Variants in FOCAD observed in about 807,000 individuals in gnomAD.
The protein encoded by FOCAD is focadhesin, also known as KIAA1797.
In FOCAD, 198 loss-of-function variants were observed where a neutral mutation model predicts 225.6. That is an observed-to-expected ratio of 0.88 (90% confidence interval 0.78 to 0.99). The LOEUF is 0.99. Ranked by LOEUF, FOCAD falls within the 50% of genes least tolerant of loss-of-function variation. The probability of loss-of-function intolerance (pLI) is 0.00; values close to 1 mark genes in which losing one functional copy is unlikely to be tolerated. For missense variants in FOCAD, 2,713 were observed against 2,123.6 expected (o/e 1.28, Z -5.46); for synonymous variants, 897 against 755.0 (o/e 1.19, Z -3.08).
At chr9:20,803,467 G>C (rs1336353076) in intron 11 of FOCAD, among the ~76,000 whole-genome samples, 1 of 152,082 alleles carries the variant, frequency 6.6e-6, no homozygotes, top group Non-Finnish European at 1.5e-5. Flanking sequence ...GTGAAGGAGA[G>C]AGTACTGCAG....
At chr9:20,818,086 T>A (rs1823921168) in intron 11 of FOCAD, among the ~76,000 whole-genome samples, 1 of 152,190 alleles carries the variant, frequency 6.6e-6, no homozygotes, top group Admixed American at 6.5e-5. Flanking sequence ...TTGCATCATG[T>A]GTAAGGTGGT....
At chr9:20,721,971 T>TCACCC (rs1319764699) in intron 4 of FOCAD, among the ~76,000 whole-genome samples, 1 of 13,580 alleles carries the variant, frequency 7.4e-5, no homozygotes, top group Non-Finnish European at 1.6e-4. Context: ...CCTTCTTTTT[T>TCACCC]CTCCCCTCCT....
chr9:20,778,442 G>T (rs1032502105), intron 8 of FOCAD, among the ~76,000 whole-genome samples: 1 of 152,046 alleles, frequency 6.6e-6, no homozygotes, highest in African/African-American at 2.4e-5. Flanking sequence ...GGCTGGTCTC[G>T]AACTTCTGAC....
intron 18 of FOCAD, among the ~76,000 whole-genome samples, chr9:20,873,469 G>T (rs1024647461): frequency 6.6e-6 from 1 of 152,154 alleles, no homozygotes; most frequent in Non-Finnish European, 1.5e-5. Context: ...CAGTGATTTC[G>T]ACAGACGCTT....
intron 21 of FOCAD, among the ~76,000 whole-genome samples, chr9:20,894,703 A>T (rs929238139): frequency 6.6e-6 from 1 of 151,914 alleles, no homozygotes; most frequent in Non-Finnish European, 1.5e-5. Context: ...GAGTTTTAAG[A>T]CTTTTTTCGT....
chr9:20,705,743 T>A (rs1824327996), intron 1 of FOCAD, among the ~76,000 whole-genome samples: 1 of 151,606 alleles, frequency 6.6e-6, no homozygotes, highest in Non-Finnish European at 1.5e-5. Flanking sequence ...AAAGTCAACT[T>A]TGAAGATTTA....
intron 10 of FOCAD, among the ~76,000 whole-genome samples, chr9:20,788,647 G>A (rs1433336465): frequency 1.3e-5 from 2 of 152,126 alleles, no homozygotes; most frequent in Non-Finnish European, 2.9e-5. Context: ...AGCAAGCAAT[G>A]TCTAATGATT....
chr9:20,659,184 C>T (rs933620128), intron 2 of FOCAD, among the ~76,000 whole-genome samples: 1 of 152,054 alleles, frequency 6.6e-6, no homozygotes, highest in African/African-American at 2.4e-5. Flanking sequence ...GGCACCACTG[C>T]CCTCCAGCCT....
chr9:20,933,258 C>G (rs1564171557), intron 28 of FOCAD, among the ~76,000 whole-genome samples, 155 bp downstream of exon 28: 1 of 152,030 alleles, frequency 6.6e-6, no homozygotes, highest in Admixed American at 6.5e-5. Flanking sequence ...TGAGTAAGTT[C>G]TTTAGTGGTG....
intron 6 of FOCAD, among the ~76,000 whole-genome samples, chr9:20,763,900 T>C (rs1198161388): frequency 6.6e-6 from 1 of 152,140 alleles, no homozygotes. Flanking sequence ...TATAGTGAAA[T>C]CTAAATAGAT....
chr9:20,858,731 T>C (rs558333779), intron 15 of FOCAD, among the ~76,000 whole-genome samples: 1 of 152,158 alleles, frequency 6.6e-6, no homozygotes, highest in African/African-American at 2.4e-5. Context: ...ACTTTATTGG[T>C]ATCAACTTTC....
At chr9:20,833,161 A>G (rs191702066) in intron 15 of FOCAD, among the ~76,000 whole-genome samples, 2 of 152,058 alleles carry the variant, frequency 1.3e-5, no homozygotes, top group Admixed American at 6.6e-5. Context: ...TCAACATTCT[A>G]TATCTCTTAT....
chr9:20,706,895 T>C (rs1159579219), intron 1 of FOCAD, among the ~76,000 whole-genome samples: 1 of 152,182 alleles, frequency 6.6e-6, no homozygotes, highest in African/African-American at 2.4e-5. Flanking sequence ...CCCAGGGCCA[T>C]TGTCTTCATG....
At chr9:20,962,771 T>C (rs1028679035) in intron 35 of FOCAD, among the ~76,000 whole-genome samples, 3 of 152,198 alleles carry the variant, frequency 2.0e-5, no homozygotes, top group African/African-American at 2.4e-5. Context: ...TTTCCAGGTT[T>C]TACAACATCT....
At chr9:20,874,952 A>C in intron 19 of FOCAD, 145 bp downstream of exon 19, 2 of 1,022,522 alleles carry the variant, frequency 2.0e-6, no homozygotes, top group Non-Finnish European at 2.9e-6. Flanking sequence ...CATCTGTTCT[A>C]TTGAAACAGC....
At chr9:20,817,055 C>G (rs1018774558) in intron 11 of FOCAD, among the ~76,000 whole-genome samples, 2 of 152,050 alleles carry the variant, frequency 1.3e-5, no homozygotes, top group African/African-American at 4.8e-5. Flanking sequence ...CCTGTAGATA[C>G]TGAGGAATGA....
chr9:20,923,872 C>T, intron 25 of FOCAD, 104 bp downstream of exon 25: 4 of 830,022 alleles, frequency 4.8e-6, no homozygotes, highest in Non-Finnish European at 8.0e-6. Flanking sequence ...GTGATTATGG[C>T]ACCAAGTTAT....
At chr9:20,797,840 C>A (rs548982289) in intron 11 of FOCAD, among the ~76,000 whole-genome samples, 2 of 152,230 alleles carry the variant, frequency 1.3e-5, no homozygotes, top group South Asian at 4.1e-4. Flanking sequence ...CCCTTTATTT[C>A]CTTCTTCTGC....
intron 15 of FOCAD, among the ~76,000 whole-genome samples, chr9:20,859,437 A>G (rs1027416097): frequency 1.3e-5 from 2 of 150,796 alleles, no homozygotes; most frequent in Non-Finnish European, 3.0e-5. Context: ...CTTTGCAGGT[A>G]GTCTGTATTT....
Sources: gnomAD v4.1 joint callset for allele counts (sites outside exome capture counted in the v4.1 genomes callset) on GRCh38, gnomAD v4.1.1 for gene constraint, MANE v1.5 for transcripts, NCBI Gene and HGNC (gene_info 2026-07-23, HGNC 2026-07-21) for gene names.